KIAA1755: variants seen among roughly 807,000 people sequenced by gnomAD.
KIAA1755 encodes the protein KIAA1755.
In KIAA1755, 68 loss-of-function variants were observed where a neutral mutation model predicts 91.7. That is an observed-to-expected ratio of 0.74 (90% CI 0.61 to 0.91). The LOEUF is 0.91. Among genes scored for constraint, KIAA1755 ranks in the 40% least tolerant of loss-of-function variants. The pLI is 0.00. For synonymous variants in KIAA1755, 610 were observed against 604.6 expected (o/e 1.01, Z -0.13); for missense variants, 1,535 against 1,494.4 (o/e 1.03, Z -0.45).
chr20:38,219,672 C>A lies in KIAA1755; in HGVS notation c.2514G>T (p.Glu838Asp). The change falls in exon 11 of 14, where the codon GAG (glutamate) becomes GAT (aspartate). Residue 838 changes from glutamate (E) to aspartate (D), a missense_variant. Coordinates refer to ENST00000279024, the MANE Select transcript of KIAA1755 (RefSeq NM_001029864.2). ...CCAGGCGGCCCAGGCGGACACGGAG[C>A]TCCAGCTTCCCCAGGAGGCTGTTGG... ...TASNSLLGKL[E>D]LRVRLGRLEA... 1 of 1,614,186 alleles carries A rather than the reference C, an allele frequency of 6.2e-7. No homozygotes were observed. Among genetic ancestry groups the A allele is most frequent in the Non-Finnish European group, 8.5e-7 (1 of 1,180,044 alleles).
intron 1 of KIAA1755, 181 bp downstream of exon 1, chr20:38,260,317 A>G (rs2076425304): frequency 1.9e-6 from 3 of 1,554,178 alleles, no homozygotes; most frequent in Admixed American, 1.9e-5. Context: ...GCGGCCAGAG[A>G]TGGGCTCCTG....
rs1288743200 is a variant in KIAA1755, at chr20:38,231,274, C to T, written c.1799G>A (p.Gly600Glu). 3 of 1,612,708 alleles carry T rather than the reference C, an allele frequency of 1.9e-6. No homozygotes were observed. Among genetic ancestry groups the T allele is most frequent in the Non-Finnish European group, 2.5e-6 (3 of 1,179,648 alleles). ...TGTGCACCATGGTGCCTCCCAGGCC[C>T]CCTCTGTAGTTGACACCAGAAGCAG... is the stretch of plus-strand genomic sequence containing the variant. ...RPLLLVSTTEGAWEAPWCTVS... is the reference protein window; with the variant it reads ...RPLLLVSTTEEAWEAPWCTVS... Residue 600 changes from glycine to glutamate, a missense_variant, in exon 5 of 14, where the codon GGG becomes GAG. Transcript: ENST00000279024.
chr20:38,231,107 G>A (rs2075853042), intron 5 of KIAA1755, 95 bp downstream of exon 5: 1 of 1,322,622 alleles, frequency 7.6e-7, no homozygotes, highest in African/African-American at 1.5e-5. Flanking sequence ...CTGGATGGAA[G>A]GATATGGTGC....
chr20:38,248,312 G>A (rs1049097868), intron 1 of KIAA1755, among the ~76,000 whole-genome samples: 17 of 152,142 alleles, frequency 1.1e-4, no homozygotes, highest in African/African-American at 2.2e-4. Flanking sequence ...AACATAGAGC[G>A]GGAGCCAAGG....
chr20:38,238,717 G>C (rs1311731696), intron 4 of KIAA1755, among the ~76,000 whole-genome samples: 1 of 152,158 alleles, frequency 6.6e-6, no homozygotes, highest in East Asian at 1.9e-4. Context: ...GAACACATCA[G>C]ACTTGTTCTC....
Position 38,223,539 on chromosome 20 carries a change from T to G in KIAA1755, c.2267A>C (p.Gln756Pro), listed in dbSNP as rs200914841. The G allele has an allele frequency of 6.3e-7, 1 of 1,577,092 alleles. No individual in the cohort carries two copies. Among genetic ancestry groups the G allele is most frequent in the Non-Finnish European group, 8.6e-7 (1 of 1,166,344 alleles). Reference protein sequence around the residue: ...FEKADPPGGMQEATRCLSKSK... With the variant: ...FEKADPPGGMPEATRCLSKSK... ...CCAGTCACCATGCTCCAGGCTCACCTGCATCCCCCCAGGGGGGTCGGCCTT... is the reference window on the plus strand; with the variant it reads ...CCAGTCACCATGCTCCAGGCTCACCGGCATCCCCCCAGGGGGGTCGGCCTT... The change falls in exon 9 of 14, where the codon CAG becomes CCG. Residue 756 changes from glutamine to proline, a missense_variant and splice_region_variant. Physicochemically the swap from Gln to Pro is moderately conservative, Grantham distance 76. Transcript: ENST00000279024.
Position 38,218,344 on chromosome 20 carries a change from T to C in KIAA1755, c.2579A>G (p.Glu860Gly), listed in dbSNP as rs762156858. The change falls in exon 12 of 14, where the codon GAA becomes GGA. Residue 860 changes from glutamate to glycine, a missense_variant. Coordinates refer to ENST00000279024, the MANE Select transcript of KIAA1755 (RefSeq NM_001029864.2). Reference protein sequence around the residue: ...IHQVSDWMEQEGRRCLQSLTP... With the variant: ...IHQVSDWMEQGGRRCLQSLTP... Reference sequence around the variant, plus strand: ...CAGTGATTGCAGGCACCGCCTTCCTTCCTGCTCCATCCAGTCGCTGACCTG... The same window carrying C: ...CAGTGATTGCAGGCACCGCCTTCCTCCCTGCTCCATCCAGTCGCTGACCTG... 34 of 1,614,204 alleles carry C rather than the reference T, an allele frequency of 2.1e-5. No homozygotes were observed. Among genetic ancestry groups the C allele is most frequent in the Non-Finnish European group, 2.8e-5 (33 of 1,180,036 alleles).
intron 8 of KIAA1755, among the ~76,000 whole-genome samples, 161 bp from the exon 9 acceptor site, chr20:38,223,797 C>T (rs563625883): frequency 3.0e-4 from 46 of 152,322 alleles, no homozygotes; most frequent in African/African-American, 8.4e-4. Flanking sequence ...GCTCTGGGCT[C>T]TGCTCCTGAG....
intron 1 of KIAA1755, among the ~76,000 whole-genome samples, chr20:38,254,527 C>T (rs1342813699): frequency 6.6e-6 from 1 of 152,158 alleles, no homozygotes; most frequent in African/African-American, 2.4e-5. Flanking sequence ...GTGGCTCATG[C>T]CTATAATCCC....
chr20:38,221,131 G>A (rs1210658416), intron 10 of KIAA1755, among the ~76,000 whole-genome samples: 1 of 152,212 alleles, frequency 6.6e-6, no homozygotes, highest in Non-Finnish European at 1.5e-5. Context: ...GCAGGGAAGA[G>A]GTGTGGCCCA....
chr20:38,238,176 A>G (rs1005441958), intron 4 of KIAA1755, among the ~76,000 whole-genome samples: 1 of 152,194 alleles, frequency 6.6e-6, no homozygotes, highest in Admixed American at 6.5e-5. Flanking sequence ...AGAGCCTTCC[A>G]TGGACAAAAT....
intron 1 of KIAA1755, 103 bp from the exon 2 acceptor site, chr20:38,246,229 T>G: frequency 1.1e-6 from 1 of 923,882 alleles, no homozygotes; most frequent in Admixed American, 2.3e-5. Flanking sequence ...CCCTGCTAAT[T>G]CTCTGACCTC....
At chr20:38,254,567 C>T (rs796588672) in intron 1 of KIAA1755, among the ~76,000 whole-genome samples, 15 of 152,174 alleles carry the variant, frequency 9.9e-5, no homozygotes, top group African/African-American at 3.6e-4. Context: ...ACAGGAGGAT[C>T]TCTTGGGGCC....
chr20:38,260,485 C>T lies in KIAA1755; in HGVS notation c.3+13G>A. On this transcript the variant is annotated intron_variant, in intron 1 of 13. Coordinates refer to ENST00000279024, the MANE Select transcript of KIAA1755 (RefSeq NM_001029864.2). ...GGGGGCAGAGCGAGGTGGTCCAGGC[C>T]TTGGCGCGTTACCATGGTGACGGGC... 6.7e-7 allele frequency: 1 copy of T among 1,493,234 alleles called. No homozygotes were observed. 92.5% of individuals were successfully genotyped at this position (1,493,234 alleles called of 1,614,324 possible).
At chr20:38,222,300 G>A (rs1043005702) in intron 10 of KIAA1755, 149 bp downstream of exon 10, 3 of 806,914 alleles carry the variant, frequency 3.7e-6, no homozygotes, top group South Asian at 1.7e-5. Flanking sequence ...GTGACCAGGC[G>A]TCAGCCTGGG....
intron 9 of KIAA1755, 96 bp from the exon 10 acceptor site, chr20:38,222,693 T>G: frequency 7.3e-7 from 1 of 1,367,330 alleles, no homozygotes; most frequent in Non-Finnish European, 1.0e-6. Context: ...AACTCCCAGT[T>G]TGGCATTCAA....
chr20:38,219,709 A>G lies in KIAA1755; in HGVS notation c.2477T>C (p.Leu826Pro). 6.2e-7 allele frequency: 1 copy of G among 1,614,154 alleles called. No individual in the cohort carries two copies. Residue 826 changes from leucine (L) to proline (P), a missense_variant, in exon 11 of 14, where the codon CTG (leucine) becomes CCG (proline). By Grantham distance (98) the Leu-to-Pro change is moderately conservative. Transcript: ENST00000279024. ...YSLVDEQLHV[L>P]VTASNSLLGK... ...CAGGAGGCTGTTGGAAGCGGTGACCAGAACATGAAGCTGCTCGTCCACAAG... is the reference window on the plus strand; with the variant it reads ...CAGGAGGCTGTTGGAAGCGGTGACCGGAACATGAAGCTGCTCGTCCACAAG...
intron 4 of KIAA1755, chr20:38,237,024 T>G (rs186593964): frequency 6.6e-6 from 1 of 152,088 alleles, no homozygotes; most frequent in Admixed American, 6.5e-5. Flanking sequence ...AGGGTCAGCC[T>G]CAGGCACATG....
chr20:38,224,048 G>A (rs189528358), intron 8 of KIAA1755, among the ~76,000 whole-genome samples: 10 of 152,184 alleles, frequency 6.6e-5, no homozygotes, highest in South Asian at 6.2e-4. Flanking sequence ...GTCCCACTTC[G>A]GCCCAGCTCC....
Sources: gnomAD v4.1 joint callset for allele counts (sites outside exome capture counted in the v4.1 genomes callset) on GRCh38, gnomAD v4.1.1 for gene constraint, MANE v1.5 for transcripts, NCBI Gene and HGNC (gene_info 2026-07-23, HGNC 2026-07-21) for gene names.